Variants in SLC14A2 observed in about 807,000 individuals in gnomAD.
The protein encoded by SLC14A2 is urea transporter 2.
Under a neutral mutation model 104.6 loss-of-function variants are expected in SLC14A2, and 91 were observed. The ratio of observed to expected loss-of-function variants is 0.87; its 90% CI spans 0.73 to 1.04. The LOEUF (loss-of-function observed/expected upper bound fraction) is 1.04, where lower values mean the gene tolerates loss of function less well. Among genes scored for constraint, SLC14A2 ranks in the 50% least tolerant of loss-of-function variants. The probability of loss-of-function intolerance (pLI) is 0.00; values close to 1 mark genes in which losing one functional copy is unlikely to be tolerated. For synonymous variants in SLC14A2, 476 were observed against 466.4 expected, an observed-to-expected ratio of 1.02 and a Z score of -0.27; for missense variants, 1,189 against 1,156.0, an observed-to-expected ratio of 1.03 and a Z score of -0.41.
In SLC14A2 at chr18:45,335,035, A is replaced by G. The variant is rs116173344; in HGVS notation, c.-125+121844A>G. On this transcript the variant is annotated intron_variant, in intron 1 of 20. Coordinates refer to the SLC14A2 transcript ENST00000586448. ...TATATTTAAACAGCTGTACAGAAGT[A>G]CAATTAATATAAAATAAATTGCACT... 5.0e-3 allele frequency among the ~76,000 whole-genome samples: 768 copies of G among 152,360 alleles called. 6 individuals carry two copies. The highest frequency in any genetic ancestry group is 0.018 in the African/African-American group (738 of 41,584).
intron 5 of SLC14A2, among the ~76,000 whole-genome samples, chr18:45,635,353 T>A (rs2045402552): frequency 6.6e-6 from 1 of 152,220 alleles, no homozygotes; most frequent in Admixed American, 6.5e-5. Context: ...TCCCATAGGC[T>A]CTTCCAACAT....
chr18:45,624,807 A>G lies in SLC14A2; in HGVS notation c.143A>G (p.Glu48Gly), dbSNP rs771811085. 1 of 1,611,508 alleles carries G rather than the reference A, an allele frequency of 6.2e-7. No homozygotes were observed. The highest frequency in any genetic ancestry group is 1.1e-5 in the South Asian group (1 of 90,406). ...GCTCTGCCCCTCCTGGAAATGCCTG[A>G]AGAAAAGGTGAGAAGTGTCCCTCCT... ...HPALPLLEMPEEKDLRSSNED... is the reference protein window; with the variant it reads ...HPALPLLEMPGEKDLRSSNED... Residue 48 changes from glutamate (E) to glycine (G), a missense_variant, in exon 2 of 20, where the codon GAA (glutamate) becomes GGA (glycine). Glu to Gly is a moderately conservative substitution (Grantham distance 98). Transcript: ENST00000255226.
rs576189283 is a variant in SLC14A2 at position 45,420,826 on chromosome 18, C to T, written c.-124-62407C>T. Reference sequence around the variant, plus strand: ...TGTGATCTTGGCTCACGGCAACCTCCGCCTCCCGGGTTCAAGAAATTCTCC... The same window carrying T: ...TGTGATCTTGGCTCACGGCAACCTCTGCCTCCCGGGTTCAAGAAATTCTCC... On this transcript the variant is annotated intron_variant, in intron 1 of 20. Transcript: ENST00000586448. Among the ~76,000 whole-genome samples, 81 of 151,626 alleles carry T rather than the reference C, an allele frequency of 5.3e-4. 2 individuals are homozygous for T. The South Asian group carries it at 0.013, about 25-fold the overall frequency.
At chr18:45,676,555 T>G (rs949307822) in intron 18 of SLC14A2, among the ~76,000 whole-genome samples, 9 of 151,762 alleles carry the variant, frequency 5.9e-5, no homozygotes, top group Admixed American at 4.6e-4. Flanking sequence ...CCAGGAACAT[T>G]TGGCAATGTC....
chr18:45,563,600 A>T (rs2044231548), intron 2 of SLC14A2, among the ~76,000 whole-genome samples: 2 of 152,178 alleles, frequency 1.3e-5, no homozygotes, highest in South Asian at 4.1e-4. Context: ...CAACTCTCTG[A>T]TCATCTCTTT....
intron 1 of SLC14A2, among the ~76,000 whole-genome samples, chr18:45,359,315 G>A (rs201275415): frequency 3.9e-5 from 6 of 152,024 alleles, no homozygotes; most frequent in East Asian, 1.9e-4. Context: ...TGGGAAGCAG[G>A]CCCCCCCGTC....
intron 1 of SLC14A2, among the ~76,000 whole-genome samples, chr18:45,331,233 AC>A (rs1434035093): frequency 6.6e-6 from 1 of 152,170 alleles, no homozygotes; most frequent in Non-Finnish European, 1.5e-5. Flanking sequence ...GTGAAGTAAA[AC>A]CTAAAGCCAA....
At chr18:45,396,812 C>A (rs1483540256) in intron 1 of SLC14A2, among the ~76,000 whole-genome samples, 3 of 151,916 alleles carry the variant, frequency 2.0e-5, no homozygotes, top group African/African-American at 7.3e-5. Context: ...CTGCTCCTCC[C>A]CTTCCTCCCA....
chr18:45,441,356 G>A (rs866792682), intron 1 of SLC14A2, among the ~76,000 whole-genome samples: 2 of 152,158 alleles, frequency 1.3e-5, no homozygotes, highest in East Asian at 3.8e-4. Context: ...AAATCCAAAC[G>A]GGCTGCCATT....
chr18:45,525,459 T>C (rs1358447595), intron 2 of SLC14A2, among the ~76,000 whole-genome samples: 1 of 152,230 alleles, frequency 6.6e-6, no homozygotes. Flanking sequence ...TCCCTAGAGA[T>C]ATGCAGCTTA....
chr18:45,615,817 ATG>A lies in SLC14A2; in HGVS notation c.-35+254_-35+255del, dbSNP rs34832879. On this transcript the variant is annotated intron_variant, in intron 1 of 19. Coordinates refer to ENST00000255226, the MANE Select transcript of SLC14A2 (RefSeq NM_007163.4). Reference sequence around the variant, plus strand: ...TGCATGTGTGTATGTGTAGGGGTGTATGTGTGTGTGTGTGTGTGTGAGAGAGA... The same window carrying A: ...TGCATGTGTGTATGTGTAGGGGTGTATGTGTGTGTGTGTGTGTGAGAGAGA... 1.9e-4 allele frequency among the ~76,000 whole-genome samples: 28 copies of A among 147,484 alleles called. 1 individual carries two copies. The highest frequency in any genetic ancestry group is 5.1e-4 in the African/African-American group (20 of 39,388).
intron 1 of SLC14A2, among the ~76,000 whole-genome samples, chr18:45,242,391 C>A (rs1187593499): frequency 6.6e-6 from 1 of 152,096 alleles, no homozygotes; most frequent in African/African-American, 2.4e-5. Flanking sequence ...GCAGAGCAGC[C>A]CTTTTGAGCA....
intron 1 of SLC14A2, among the ~76,000 whole-genome samples, chr18:45,447,903 C>G (rs888280731): frequency 4.6e-5 from 7 of 152,210 alleles, no homozygotes; most frequent in Admixed American, 1.3e-4. Flanking sequence ...GTGAGCCCTG[C>G]TTACATTATT....
chr18:45,226,210 C>T (rs1223927317), intron 1 of SLC14A2, among the ~76,000 whole-genome samples: 2 of 152,170 alleles, frequency 1.3e-5, no homozygotes, highest in Non-Finnish European at 2.9e-5. Context: ...AACACTTTTA[C>T]ACTGTTGGTG....
intron 1 of SLC14A2, among the ~76,000 whole-genome samples, chr18:45,291,480 G>A (rs2084868733): frequency 6.6e-6 from 1 of 152,112 alleles, no homozygotes; most frequent in African/African-American, 2.4e-5. Context: ...AAATTTGGGT[G>A]GTGCTACTTA....
In SLC14A2 at chr18:45,281,036, G is replaced by A. The variant is rs149044175; in HGVS notation, c.-125+67845G>A. 9.0e-3 allele frequency among the ~76,000 whole-genome samples: 1,362 copies of A among 152,134 alleles called. 9 individuals carry two copies. Among genetic ancestry groups the A allele is most frequent in the Non-Finnish European group, 0.014 (980 of 68,002 alleles). Reference sequence around the variant, plus strand: ...CCCCACCAAGCAGCCCCTCTTTGGCGCTGTCCCTTGAACATCAGTCTAAAC... The same window carrying A: ...CCCCACCAAGCAGCCCCTCTTTGGCACTGTCCCTTGAACATCAGTCTAAAC... On this transcript the variant is annotated intron_variant, in intron 1 of 20. Transcript: ENST00000586448.
At chr18:45,263,553 G>A (rs1452637093) in intron 1 of SLC14A2, among the ~76,000 whole-genome samples, 1 of 152,150 alleles carries the variant, frequency 6.6e-6, no homozygotes, top group Admixed American at 6.5e-5. Flanking sequence ...GATCTTGCCT[G>A]TACCAATTCT....
chr18:45,556,698 A>G (rs1350300120), intron 2 of SLC14A2, among the ~76,000 whole-genome samples: 3 of 152,210 alleles, frequency 2.0e-5, no homozygotes, highest in Non-Finnish European at 4.4e-5. Context: ...CTGTATTTAT[A>G]TTTACACAAT....
intron 1 of SLC14A2, among the ~76,000 whole-genome samples, chr18:45,414,759 T>A (rs4419140): frequency 0.17 from 5,010 of 29,700 alleles, 186 homozygotes; most frequent in African/African-American, 0.23. Context: ...AAAAAAAAAA[T>A]ATATATATAT....
Sources: allele counts gnomAD v4.1 joint callset (sites outside exome capture counted in the v4.1 genomes callset), GRCh38; gene constraint gnomAD v4.1.1; transcripts MANE v1.5; gene names NCBI Gene and HGNC (gene_info 2026-07-23, HGNC 2026-07-21).